The following SDK1 variants were observed in gnomAD, a reference collection of about 807,000 sequenced individuals.
SDK1 encodes the protein sidekick cell adhesion molecule 1, also known as protein sidekick-1.
A neutral mutation model predicts 245.5 loss-of-function variants in SDK1; 157 were observed. That is an observed-to-expected ratio of 0.64 (90% confidence interval 0.56 to 0.73). The LOEUF (loss-of-function observed/expected upper bound fraction) is 0.73, where lower values mean the gene tolerates loss of function less well. Among genes scored for constraint, SDK1 ranks in the 30% least tolerant of loss-of-function variants. The pLI, the probability that SDK1 is intolerant of heterozygous loss-of-function variation, is 0.00. For missense variants in SDK1, 3,583 were observed against 3,002.3 expected (o/e 1.19, Z -4.52); for synonymous variants, 1,647 against 1,278.5 (o/e 1.29, Z -6.15).
intron 22 of SDK1, among the ~76,000 whole-genome samples, chr7:4,098,176 C>T (rs1390178796): frequency 6.6e-6 from 1 of 152,100 alleles, no homozygotes; most frequent in Non-Finnish European, 1.5e-5. Flanking sequence ...TCTGTCAGAT[C>T]CGTTGAGGTC....
chr7:3,689,037 G>A (rs546187835), intron 4 of SDK1, among the ~76,000 whole-genome samples: 9 of 152,282 alleles, frequency 5.9e-5, no homozygotes, highest in African/African-American at 2.2e-4. Context: ...AAGTTTTATT[G>A]TAACACAGCC....
At chr7:3,767,884 C>T (rs1341594407) in intron 4 of SDK1, among the ~76,000 whole-genome samples, 4 of 152,152 alleles carry the variant, frequency 2.6e-5, no homozygotes, top group Non-Finnish European at 5.9e-5. Context: ...TGACTGTCTC[C>T]CAAAGCAAGG....
chr7:3,990,737 C>T (rs1200268265), intron 14 of SDK1, among the ~76,000 whole-genome samples: 1 of 152,204 alleles, frequency 6.6e-6, no homozygotes, highest in East Asian at 1.9e-4. Context: ...TTCATCTCTC[C>T]AGTGGAGTCC....
chr7:4,075,309 CA>C (rs927060014), intron 20 of SDK1, among the ~76,000 whole-genome samples: 6 of 152,160 alleles, frequency 3.9e-5, no homozygotes, highest in African/African-American at 7.2e-5. Flanking sequence ...GTGGCACGGC[CA>C]GGGGGAGCAG....
chr7:3,830,225 T>C (rs965169986), intron 5 of SDK1, among the ~76,000 whole-genome samples: 1 of 152,080 alleles, frequency 6.6e-6, no homozygotes, highest in South Asian at 2.1e-4. Context: ...ACCAGTTGGG[T>C]TCAGCAGACG....
At chr7:3,304,001 A>G (rs1005619856) in intron 1 of SDK1, among the ~76,000 whole-genome samples, 19 of 152,194 alleles carry the variant, frequency 1.2e-4, no homozygotes, top group African/African-American at 4.1e-4. Context: ...AGGTGAAGCT[A>G]TGACTAATTT....
intron 1 of SDK1, among the ~76,000 whole-genome samples, chr7:3,593,657 A>G (rs542753285): frequency 3.9e-5 from 6 of 152,268 alleles, no homozygotes; most frequent in South Asian, 2.1e-4. Flanking sequence ...GCAAGCTTCA[A>G]TCAACTGATG....
chr7:4,261,608 A>T (rs750176047), intron 44 of SDK1, among the ~76,000 whole-genome samples: 44 of 152,144 alleles, frequency 2.9e-4, no homozygotes, highest in Non-Finnish European at 6.0e-4. Context: ...AAGAATGCAC[A>T]TTCCCCGGCC....
At chr7:4,212,365 TATC>T (rs1784554565) in intron 38 of SDK1, among the ~76,000 whole-genome samples, 1 of 152,170 alleles carries the variant, frequency 6.6e-6, no homozygotes, top group African/African-American at 2.4e-5. Flanking sequence ...AATACTTTTG[TATC>T]ATCAATTCTG....
intron 20 of SDK1, among the ~76,000 whole-genome samples, chr7:4,074,045 T>A (rs1780455840): frequency 6.6e-6 from 1 of 152,148 alleles, no homozygotes; most frequent in Non-Finnish European, 1.5e-5. Context: ...TTTTTAGGGT[T>A]GTCCTGTTGC....
chr7:3,678,278 C>T (rs981185851), intron 4 of SDK1, among the ~76,000 whole-genome samples: 14 of 152,042 alleles, frequency 9.2e-5, no homozygotes, highest in Non-Finnish European at 1.9e-4. Context: ...GTATATACCC[C>T]AAATAATTGA....
chr7:3,804,876 T>C (rs1779200937), intron 4 of SDK1, among the ~76,000 whole-genome samples: 1 of 152,166 alleles, frequency 6.6e-6, no homozygotes, highest in Admixed American at 6.5e-5. Context: ...GAAATACAAT[T>C]GGGGGTGGAA....
chr7:3,473,421 C>T (rs1345207908), intron 1 of SDK1, among the ~76,000 whole-genome samples: 1 of 152,184 alleles, frequency 6.6e-6, no homozygotes, highest in Non-Finnish European at 1.5e-5. Flanking sequence ...CTTCAATAAT[C>T]CTTGTAGATG....
chr7:3,995,177 A>C (rs1212446739), intron 14 of SDK1, among the ~76,000 whole-genome samples: 1 of 152,156 alleles, frequency 6.6e-6, no homozygotes, highest in Admixed American at 6.5e-5. Context: ...TTCAGCAACA[A>C]GGCATTCCTC....
In SDK1 at chr7:4,012,127, C is replaced by T. The variant is rs1562666383; in HGVS notation, c.2312C>T (p.Pro771Leu). 1.3e-6 allele frequency: 2 copies of T among 1,574,180 alleles called. No homozygotes were observed. Among genetic ancestry groups the T allele is most frequent in the Non-Finnish European group, 1.7e-6 (2 of 1,160,792 alleles). ...LMLPEEPPSA[P>L]PKNIVASGRT... ...CTACCTGAAGAACCACCCAGTGCTC[C>T]CCCGAAAAATATAGTGGCCAGTGGG... The change falls in exon 16 of 45, where the codon CCC becomes CTC. Residue 771 changes from proline to leucine, a missense_variant. By Grantham distance (98) the Pro-to-Leu change is moderately conservative (BLOSUM62 -3). Transcript: ENST00000404826.
chr7:3,646,008 C>T (rs2128654062), intron 4 of SDK1, among the ~76,000 whole-genome samples: 1 of 152,060 alleles, frequency 6.6e-6, no homozygotes, highest in Middle Eastern at 3.4e-3. Flanking sequence ...ACAGGCGCAC[C>T]CCACTATGCC....
chr7:4,035,084 T>C lies in SDK1; in HGVS notation c.2603-14264T>C, dbSNP rs547486643. 6.6e-5 allele frequency among the ~76,000 whole-genome samples: 10 copies of C among 152,304 alleles called. No individual in the cohort carries two copies. The South Asian group carries it at 2.1e-3, about 32-fold the overall frequency. ...ACTTCCACCTCCCGGGTTCAAGCAA[T>C]TCTCCTGCCTTAGCCTCCCGAGTAG... On this transcript the variant is annotated intron_variant, in intron 17 of 44. Transcript: ENST00000404826.
At chr7:3,987,580 C>G (rs1435340726) in intron 14 of SDK1, among the ~76,000 whole-genome samples, 3 of 152,166 alleles carry the variant, frequency 2.0e-5, no homozygotes, top group Middle Eastern at 3.2e-3. Context: ...GGGCTGTGCA[C>G]ACAGGGCTGC....
At chr7:3,733,019 A>G (rs1779223125) in intron 4 of SDK1, among the ~76,000 whole-genome samples, 2 of 152,144 alleles carry the variant, frequency 1.3e-5, no homozygotes, top group South Asian at 2.1e-4. Context: ...TCAGTTGTCT[A>G]CACGTTGACA....
Sources: gnomAD v4.1 joint callset for allele counts (sites outside exome capture counted in the v4.1 genomes callset) on GRCh38, gnomAD v4.1.1 for gene constraint, MANE v1.5 for transcripts, NCBI Gene and HGNC (gene_info 2026-07-23, HGNC 2026-07-21) for gene names.